SNX32: variants seen among roughly 807,000 people sequenced by gnomAD.
SNX32 encodes sorting nexin-32.
SNX32 carries 58 observed loss-of-function variants against 57.0 expected under a neutral mutation model. The ratio of observed to expected loss-of-function variants is 1.02; its 90% confidence interval spans 0.82 to 1.27. The LOEUF (loss-of-function observed/expected upper bound fraction) is 1.27, where lower values mean the gene tolerates loss of function less well. SNX32 is among the 50% of genes most tolerant of loss of function. SNX32 has a pLI of 0.00. For synonymous variants in SNX32, 262 were observed against 220.4 expected, an observed-to-expected ratio of 1.19 and a Z score of -1.67; for missense variants, 589 against 541.2, an observed-to-expected ratio of 1.09 and a Z score of -0.88.
rs1555032605 is a variant in SNX32, at chr11:65,839,215, A to ATTTTTTTT, written c.36+5121_36+5122insTTTTTTTT. Among the ~76,000 whole-genome samples, 36 of 19,530 alleles carry ATTTTTTTT rather than the reference A, an allele frequency of 1.8e-3. 2 individuals are homozygous for ATTTTTTTT. The highest frequency in any genetic ancestry group is 3.1e-3 in the Non-Finnish European group (26 of 8,376). The allele number at this position is 19,530 out of a possible 152,430, so 12.8% of individuals were successfully genotyped here. On this transcript the variant is annotated intron_variant, in intron 1 of 12. Transcript: ENST00000308342. ...AGCTGTGCCCCACCACGCCCAGCTA[A>ATTTTTTTT]TTTTTTTGTATTTTTTTTTTTTTTT...
chr11:65,850,223 GC>G lies in SNX32; in HGVS notation c.327del (p.Ser110LeufsTer10). 6.2e-7 allele frequency: 1 copy of G among 1,614,234 alleles called. No individual in the cohort carries two copies. ...CTACAGAAATTGGGCGAGGGGGACAGCTCTGTCACTCGGGAAGAGTTTGCCA... is the reference window on the plus strand; with the variant it reads ...CTACAGAAATTGGGCGAGGGGGACAGTCTGTCACTCGGGAAGAGTTTGCCA... ...EKLQKLGEGDSSVTREEFAKM... is the reference protein window; with the variant it reads ...EKLQKLGEGDXSVTREEFAKM... On this transcript the variant is annotated frameshift_variant, in exon 4 of 13. Transcript: ENST00000308342. LOFTEE classifies it high-confidence loss of function.
chr11:65,840,600 C>T (rs1858814115), intron 1 of SNX32, among the ~76,000 whole-genome samples: 1 of 151,906 alleles, frequency 6.6e-6, no homozygotes, highest in Admixed American at 6.6e-5. Context: ...CCCAGGAGTT[C>T]GAGACCAACC....
chr11:65,837,206 G>A (rs559465370), intron 1 of SNX32, among the ~76,000 whole-genome samples: 1 of 152,110 alleles, frequency 6.6e-6, no homozygotes, highest in Non-Finnish European at 1.5e-5. Flanking sequence ...CAAGTTGGTA[G>A]CCTGCTACAT....
At chr11:65,850,702 G>A in intron 5 of SNX32, 49 bp from the exon 6 acceptor site, 2 of 1,591,636 alleles carry the variant, frequency 1.3e-6, no homozygotes, top group Non-Finnish European at 1.7e-6. Flanking sequence ...ACTTGGGGTG[G>A]GAGGTGAGAA....
At position 65,850,587 on chromosome 11, in the gene SNX32, G is replaced by A. The variant is rs762275429; in HGVS notation, c.498+33G>A. 4.3e-5 allele frequency: 68 copies of A among 1,580,126 alleles called. 1 individual carries two copies. Among genetic ancestry groups the A allele is most frequent in the South Asian group, 4.0e-4 (35 of 87,766 alleles). Reference sequence around the variant, plus strand: ...GGGCCGAATCCCTGGGGTCACCCTTGGGCCAGGAGTCTACCTTGGGTGGGG... The same window carrying A: ...GGGCCGAATCCCTGGGGTCACCCTTAGGCCAGGAGTCTACCTTGGGTGGGG... On this transcript the variant is annotated intron_variant, in intron 5 of 12. Transcript: ENST00000308342.
At position 65,853,218 on chromosome 11, in the gene SNX32, G is replaced by A. The variant is rs985129537; in HGVS notation, c.1159-64G>A. The A allele has an allele frequency of 1.6e-5, 25 of 1,608,668 alleles. No individual in the cohort carries two copies. In the East Asian group the frequency reaches 5.1e-4, roughly 33 times the overall value. On this transcript the variant is annotated intron_variant, in intron 12 of 12. Transcript: ENST00000308342. ...TGGGGAGCGAGGGAGCATCTAAGGT[G>A]CAGAAAGAATGGCAGCCTGACTCAG...
rs140177962 is a variant in SNX32, at chr11:65,849,036, C to A, written c.37-442C>A. On this transcript the variant is annotated intron_variant, in intron 1 of 12. Transcript: ENST00000308342. ...GCTCATGCCTGTGGTCCCAGCTACT[C>A]GGGAGGCTGAGGCAGCAGAATCGCT... Among the ~76,000 whole-genome samples, 727 of 152,174 alleles carry A rather than the reference C, an allele frequency of 4.8e-3. 24 individuals are homozygous for A. The highest frequency in any genetic ancestry group is 2.1e-3 in the Non-Finnish European group (140 of 67,992).
Position 65,853,333 on chromosome 11 carries a change from T to C in SNX32, c.1210T>C (p.Ter404GlnextTer9), listed in dbSNP as rs534140339. The C allele has an allele frequency of 6.2e-6, 10 of 1,613,992 alleles. No homozygotes were observed. The highest frequency in any genetic ancestry group is 6.8e-6 in the Non-Finnish European group (8 of 1,179,960). The part of the protein sequence containing the change: ...NTLVALKGEP[*>Q] ...CCTTGTTGCCCTAAAGGGGGAGCCTTAGAGTAGCCAGAGCTCAGCCAGACC... is the reference window on the plus strand; with the variant it reads ...CCTTGTTGCCCTAAAGGGGGAGCCTCAGAGTAGCCAGAGCTCAGCCAGACC... The change falls in exon 13 of 13, where the codon TAG becomes CAG. Residue 404 changes from the stop codon to glutamine, a stop_lost. Coordinates refer to ENST00000308342, the MANE Select transcript of SNX32 (RefSeq NM_152760.3).
chr11:65,845,348 G>A (rs1858963277), intron 1 of SNX32, among the ~76,000 whole-genome samples: 1 of 151,406 alleles, frequency 6.6e-6, no homozygotes, highest in African/African-American at 2.4e-5. Context: ...TGAGGCAGGA[G>A]AATGGCATGA....
chr11:65,849,668 A>C (rs769681298), intron 2 of SNX32, 86 bp downstream of exon 2: 27 of 1,205,728 alleles, frequency 2.2e-5, no homozygotes, highest in South Asian at 2.0e-4. Context: ...GTGCCAACAC[A>C]GCCTGTGGGC....
At chr11:65,848,791 A>G (rs1448616772) in intron 1 of SNX32, among the ~76,000 whole-genome samples, 8 of 152,132 alleles carry the variant, frequency 5.3e-5, no homozygotes, top group Non-Finnish European at 1.2e-4. Flanking sequence ...TGCCTGAGGT[A>G]GCCAGCTGGG....
Position 65,850,264 on chromosome 11 carries a change from CT to C in SNX32, c.368del (p.Leu123ArgfsTer45). Reference sequence around the variant, plus strand: ...AGAGTTTGCCAAGATGAAGCAGGAGCTGGAAGCGTGAGTGCCCCCTCCTTTC... The same window carrying C: ...AGAGTTTGCCAAGATGAAGCAGGAGCGGAAGCGTGAGTGCCCCCTCCTTTC... ...REEFAKMKQE[L>X]EAEYLAIFKK... is the part of the protein sequence containing the mutation. On this transcript the variant is annotated frameshift_variant, in exon 4 of 13. Coordinates refer to ENST00000308342, the MANE Select transcript of SNX32 (RefSeq NM_152760.3). LOFTEE classifies it high-confidence loss of function. The C allele has an allele frequency of 1.2e-6, 2 of 1,614,186 alleles. No homozygotes were observed. Among genetic ancestry groups the C allele is most frequent in the Non-Finnish European group, 1.7e-6 (2 of 1,180,038 alleles).
chr11:65,849,039 G>A (rs996914082), intron 1 of SNX32, among the ~76,000 whole-genome samples: 2 of 152,162 alleles, frequency 1.3e-5, no homozygotes, highest in African/African-American at 4.8e-5. Flanking sequence ...AGCTACTCGG[G>A]AGGCTGAGGC....
Position 65,852,960 on chromosome 11 carries a change from T to C in SNX32, c.1158+2T>C. On this transcript the variant is annotated splice_donor_variant, in intron 12 of 12. Transcript: ENST00000308342. LOFTEE classifies it high-confidence loss of function. ...GAGCTGGAGCTCAAACACGCCAAGG[T>C]GAGCCCTCCCACCTCACTGGGCCCT... 1 of 1,613,994 alleles carries C rather than the reference T, an allele frequency of 6.2e-7. No homozygotes were observed. Among genetic ancestry groups the C allele is most frequent in the East Asian group, 2.2e-5 (1 of 44,872 alleles).
At chr11:65,844,441 A>G (rs1468451511) in intron 1 of SNX32, among the ~76,000 whole-genome samples, 2 of 152,026 alleles carry the variant, frequency 1.3e-5, no homozygotes, top group Non-Finnish European at 2.9e-5. Context: ...TTTCTTTAAA[A>G]AAAAAAAAAT....
In SNX32 at chr11:65,849,462, C is replaced by G; in HGVS notation, c.37-16C>G. On this transcript the variant is annotated splice_polypyrimidine_tract_variant and intron_variant, in intron 1 of 12. Coordinates refer to ENST00000308342, the MANE Select transcript of SNX32 (RefSeq NM_152760.3). ...GGCCATGCTCAGCCAGGCCAGAGACCTCCCCTCCTCCGCAGCCTTCCTGTG... is the reference window on the plus strand; with the variant it reads ...GGCCATGCTCAGCCAGGCCAGAGACGTCCCCTCCTCCGCAGCCTTCCTGTG... 1 of 1,595,978 alleles carries G rather than the reference C, an allele frequency of 6.3e-7. No individual in the cohort carries two copies. The highest frequency in any genetic ancestry group is 8.6e-7 in the Non-Finnish European group (1 of 1,169,130).
intron 1 of SNX32, among the ~76,000 whole-genome samples, chr11:65,844,207 AG>A: frequency 6.6e-6 from 1 of 152,330 alleles, no homozygotes; most frequent in Middle Eastern, 3.4e-3. Context: ...ATAAAGGTGG[AG>A]GCCTTGCACT....
In SNX32 at chr11:65,842,717, A is replaced by AG. The variant is rs577221806; in HGVS notation, c.37-6754dup. ...GTAATCCCAGCACTTTGGGAGAACA[A>AG]GGGGGGGTGGATCGCCTGAGGTCAG... On this transcript the variant is annotated intron_variant, in intron 1 of 12. Transcript: ENST00000308342. 5.8e-3 allele frequency among the ~76,000 whole-genome samples: 879 copies of AG among 151,304 alleles called. 11 individuals carry two copies. Among genetic ancestry groups the AG allele is most frequent in the African/African-American group, 0.019 (788 of 41,142 alleles).
chr11:65,839,592 G>A (rs543238691), intron 1 of SNX32, among the ~76,000 whole-genome samples: 165 of 150,482 alleles, frequency 1.1e-3, no homozygotes, highest in Middle Eastern at 6.9e-3. Flanking sequence ...TGATCCACTC[G>A]CCTCGGCCTC....
Sources: gnomAD v4.1 joint callset for allele counts (sites outside exome capture counted in the v4.1 genomes callset) on GRCh38, gnomAD v4.1.1 for gene constraint, MANE v1.5 for transcripts, NCBI Gene and HGNC (gene_info 2026-07-23, HGNC 2026-07-21) for gene names.